The following CSMD3 variants were observed in gnomAD, a reference collection of about 807,000 sequenced individuals.
The protein encoded by CSMD3 is CUB and Sushi multiple domains 3.
CSMD3 carries 177 observed loss-of-function variants against 435.2 expected under a neutral mutation model. The observed-to-expected ratio is 0.41, with a 90% confidence interval of 0.36 to 0.46. The LOEUF (loss-of-function observed/expected upper bound fraction) is 0.46. Ranked by LOEUF, CSMD3 falls within the 20% of genes least tolerant of loss-of-function variation. The pLI, the probability that CSMD3 is intolerant of heterozygous loss-of-function variation, is 0.34. For synonymous variants in CSMD3, 1,656 were observed against 1,520.5 expected, an observed-to-expected ratio of 1.09 and a Z score of -2.07; for missense variants, 4,265 against 4,504.6, an observed-to-expected ratio of 0.95 and a Z score of 1.52.
chr8:112,968,910 C>T (rs1157434878), intron 7 of CSMD3, among the ~76,000 whole-genome samples: 1 of 151,904 alleles, frequency 6.6e-6, no homozygotes, highest in Non-Finnish European at 1.5e-5. Flanking sequence ...TTAAAAACAA[C>T]ATATTTTAGA....
chr8:112,948,109 T>A (rs199599828), intron 8 of CSMD3, among the ~76,000 whole-genome samples: 1 of 23,936 alleles, frequency 4.2e-5, no homozygotes, highest in Non-Finnish European at 5.8e-5. Flanking sequence ...TGTATTAGTC[T>A]TGCCTATTAA....
chr8:113,203,985 C>A (rs1478814437), intron 3 of CSMD3, among the ~76,000 whole-genome samples: 2 of 152,104 alleles, frequency 1.3e-5, no homozygotes, highest in African/African-American at 2.4e-5. Context: ...TATATTTCCT[C>A]TGTGGAGTAA....
At position 112,263,685 on chromosome 8, in the gene CSMD3, G is replaced by T. The variant is rs2130381899; in HGVS notation, c.9816C>A (p.Thr3272=). 1 of 1,613,668 alleles carries T rather than the reference G, an allele frequency of 6.2e-7. No individual in the cohort carries two copies. The highest frequency in any genetic ancestry group is 8.5e-7 in the Non-Finnish European group (1 of 1,179,718). ...GYELSFPAVL[T]CVGNGTWSGE... The stretch of plus-strand genomic sequence containing the variant: ...CACTCCAGGTACCATTCCCTACACA[G>T]GTCAAAACAGCAGGGAAGGATAGCT... Residue 3272 remains threonine (T), a synonymous_variant, in exon 61 of 71, where the codon ACC becomes ACA. Transcript: ENST00000297405.
At chr8:113,114,725 G>C (rs1030158052) in intron 4 of CSMD3, among the ~76,000 whole-genome samples, 2 of 152,074 alleles carry the variant, frequency 1.3e-5, no homozygotes, top group African/African-American at 2.4e-5. Flanking sequence ...TTTAGGGTTG[G>C]AGATGAATTA....
chr8:112,675,196 T>C (rs527604729), intron 16 of CSMD3, among the ~76,000 whole-genome samples: 2 of 152,136 alleles, frequency 1.3e-5, no homozygotes, highest in Admixed American at 6.6e-5. Flanking sequence ...TTTATTCCTA[T>C]GGTTTTCCTT....
intron 26 of CSMD3, among the ~76,000 whole-genome samples, chr8:112,551,511 T>C (rs1160639827): frequency 6.6e-6 from 1 of 152,166 alleles, no homozygotes; most frequent in Non-Finnish European, 1.5e-5. Context: ...ACAATACATT[T>C]ATGTTTGATA....
chr8:113,031,015 A>G (rs1156621122), intron 5 of CSMD3, among the ~76,000 whole-genome samples: 2 of 151,650 alleles, frequency 1.3e-5, no homozygotes, highest in Non-Finnish European at 2.9e-5. Flanking sequence ...GAGGATGCAG[A>G]GAAACTGAAC....
At chr8:113,380,173 C>A (rs967554507) in intron 1 of CSMD3, among the ~76,000 whole-genome samples, 7 of 152,058 alleles carry the variant, frequency 4.6e-5, no homozygotes, top group Non-Finnish European at 8.8e-5. Flanking sequence ...AGTAAATAAA[C>A]TGTTTAACAT....
At chr8:113,029,780 A>G (rs1049277848) in intron 5 of CSMD3, among the ~76,000 whole-genome samples, 22 of 151,582 alleles carry the variant, frequency 1.5e-4, no homozygotes, top group Non-Finnish European at 2.7e-4. Flanking sequence ...AGCCAGAGCA[A>G]TCAGACAAGA....
At chr8:113,208,230 A>G (rs1310238768) in intron 3 of CSMD3, among the ~76,000 whole-genome samples, 2 of 152,162 alleles carry the variant, frequency 1.3e-5, no homozygotes, top group African/African-American at 4.8e-5. Context: ...TCTTTATTAC[A>G]TGGTGTAGTG....
At chr8:112,951,754 G>A (rs1446225842) in intron 8 of CSMD3, among the ~76,000 whole-genome samples, 1 of 151,636 alleles carries the variant, frequency 6.6e-6, no homozygotes, top group Non-Finnish European at 1.5e-5. Flanking sequence ...TGGATAATAT[G>A]AATGAATAAA....
At chr8:112,313,180 G>A (rs1003626150) in intron 49 of CSMD3, among the ~76,000 whole-genome samples, 4 of 152,098 alleles carry the variant, frequency 2.6e-5, no homozygotes, top group Admixed American at 2.0e-4. Context: ...AGTATCAGTA[G>A]ACCCTATAAA....
intron 13 of CSMD3, among the ~76,000 whole-genome samples, chr8:112,743,582 G>A (rs966698936): frequency 6.6e-6 from 1 of 151,708 alleles, no homozygotes; most frequent in Admixed American, 6.6e-5. Context: ...AATCCTTTGG[G>A]AAATACCAAA....
intron 1 of CSMD3, among the ~76,000 whole-genome samples, chr8:113,316,446 G>A (rs866472578): frequency 1.8e-4 from 27 of 152,140 alleles, no homozygotes; most frequent in Admixed American, 1.5e-3. Flanking sequence ...GTAGATTATG[G>A]CAGATAGTGG....
At chr8:113,041,792 A>G (rs1413463902) in intron 5 of CSMD3, among the ~76,000 whole-genome samples, 2 of 152,134 alleles carry the variant, frequency 1.3e-5, no homozygotes, top group Non-Finnish European at 2.9e-5. Context: ...AATTAAATGA[A>G]TCTTCATTGT....
chr8:112,567,178 C>A (rs1359916156), intron 24 of CSMD3, among the ~76,000 whole-genome samples: 1 of 152,146 alleles, frequency 6.6e-6, no homozygotes, highest in Non-Finnish European at 1.5e-5. Flanking sequence ...CAAGCTCAGA[C>A]TTCTTTTAGG....
intron 20 of CSMD3, 151 bp from the exon 21 acceptor site, chr8:112,639,062 T>C (rs1241606429): frequency 3.3e-6 from 2 of 611,746 alleles, no homozygotes; most frequent in Non-Finnish European, 5.8e-6. Flanking sequence ...ATATATGTTA[T>C]ATTATTCTTT....
intron 6 of CSMD3, among the ~76,000 whole-genome samples, chr8:112,980,012 A>G (rs2130956880): frequency 6.6e-6 from 1 of 151,170 alleles, no homozygotes; most frequent in Admixed American, 6.6e-5. Flanking sequence ...CACTTGTTAC[A>G]CATATAAGTT....
intron 40 of CSMD3, among the ~76,000 whole-genome samples, chr8:112,346,901 G>A (rs1220791689): frequency 1.3e-5 from 2 of 151,696 alleles, no homozygotes; most frequent in Non-Finnish European, 1.5e-5. Context: ...GGATGGTCTT[G>A]ATCTCCTGAC....
Sources: allele counts gnomAD v4.1 joint callset (sites outside exome capture counted in the v4.1 genomes callset), GRCh38; gene constraint gnomAD v4.1.1; transcripts MANE v1.5; gene names NCBI Gene and HGNC (gene_info 2026-07-23, HGNC 2026-07-21).